The following ANO3 variants were observed in gnomAD, a reference collection of about 807,000 sequenced individuals.
ANO3 encodes the protein anoctamin-3.
Under a neutral mutation model 144.8 loss-of-function variants are expected in ANO3, and 99 were observed. The observed-to-expected ratio is 0.68, with a 90% CI of 0.58 to 0.81. The LOEUF is 0.81. Ranked by LOEUF, ANO3 falls within the 30% of genes least tolerant of loss-of-function variation. The pLI, the probability that ANO3 is intolerant of heterozygous loss-of-function variation, is 0.00. For missense variants in ANO3, 905 were observed against 1,202.2 expected (o/e 0.75, Z 3.66); for synonymous variants, 414 against 392.6 (o/e 1.05, Z -0.64).
chr11:26,389,282 A>G (rs1050803478), intron 1 of ANO3, among the ~76,000 whole-genome samples: 1 of 152,086 alleles, frequency 6.6e-6, no homozygotes, highest in African/African-American at 2.4e-5. Flanking sequence ...TGCCAGCTCC[A>G]CTACTGTCTC....
Position 26,547,464 on chromosome 11 carries a change from G to A in ANO3, c.1203G>A (p.Trp401Ter). Residue 401 changes from tryptophan to a stop codon, truncating the protein, a stop_gained, in exon 12 of 27, where the codon TGG becomes TGA. Transcript: ENST00000256737. LOFTEE classifies it high-confidence loss of function. Reference protein sequence around the residue: ...KIGLYFAWLGWYTGMLIPAAI... With the variant: ...KIGLYFAWLG ...GACTATACTTTGCTTGGCTGGGATG[G>A]TATACTGGAATGTTGATTCCTGCAG... The A allele has an allele frequency of 6.2e-7, 1 of 1,611,962 alleles. No homozygotes were observed. The highest frequency in any genetic ancestry group is 1.1e-5 in the South Asian group (1 of 91,020).
intron 9 of ANO3, among the ~76,000 whole-genome samples, chr11:26,536,657 A>T (rs1448050080): frequency 6.6e-6 from 1 of 152,108 alleles, no homozygotes; most frequent in East Asian, 1.9e-4. Flanking sequence ...CAAGCCCTTA[A>T]TTACTCTTCG....
chr11:26,542,002 A>T lies in ANO3; in HGVS notation c.1088A>T (p.His363Leu). 6.2e-7 allele frequency: 1 copy of T among 1,612,878 alleles called. No homozygotes were observed. The highest frequency in any genetic ancestry group is 1.1e-5 in the South Asian group (1 of 91,012). Residue 363 changes from histidine to leucine, a missense_variant, in exon 11 of 27, where the codon CAT becomes CTT. His to Leu is a moderately conservative substitution (Grantham distance 99). Transcript: ENST00000256737. ...IKTHGPQNNR[H>L]LLYERWARWG... Reference sequence around the variant, plus strand: ...ACCCATGGACCTCAGAATAACAGACATCTATTATATGAGCGCTGGGCACGC... The same window carrying T: ...ACCCATGGACCTCAGAATAACAGACTTCTATTATATGAGCGCTGGGCACGC...
chr11:26,397,658 C>T (rs753437372), intron 1 of ANO3, among the ~76,000 whole-genome samples: 5 of 151,932 alleles, frequency 3.3e-5, no homozygotes, highest in African/African-American at 4.8e-5. Flanking sequence ...GGGTGATTGG[C>T]GTATTCATCT....
rs201896906 is a variant in ANO3 at position 26,561,046 on chromosome 11, C to T, written c.1447+1267C>T. 193 of 1,596,392 alleles carry T rather than the reference C, an allele frequency of 1.2e-4. 1 individual carries two copies. The Middle Eastern group carries it at 6.2e-3, about 51-fold the overall frequency. On this transcript the variant is annotated intron_variant, in intron 14 of 26. Transcript: ENST00000256737. ...GATGTAGATGACACTTGCTGTTTAACGCCTTTTTGCTGTTAGTTCTATACA... is the reference window on the plus strand; with the variant it reads ...GATGTAGATGACACTTGCTGTTTAATGCCTTTTTGCTGTTAGTTCTATACA...
intron 1 of ANO3, among the ~76,000 whole-genome samples, chr11:26,398,071 T>C (rs577398231): frequency 1.1e-4 from 17 of 152,038 alleles, no homozygotes; most frequent in Non-Finnish European, 2.1e-4. Flanking sequence ...GCATATGAAA[T>C]GTATGTTTAA....
At chr11:26,260,817 C>G (rs886995885) in intron 1 of ANO3, among the ~76,000 whole-genome samples, 1 of 152,052 alleles carries the variant, frequency 6.6e-6, no homozygotes, top group South Asian at 2.1e-4. Context: ...TACAGATTTT[C>G]CTGGGTAATT....
intron 26 of ANO3, among the ~76,000 whole-genome samples, chr11:26,658,866 T>C (rs1208952640): frequency 1.5e-4 from 23 of 152,140 alleles, no homozygotes. Flanking sequence ...CCAGTTAAAG[T>C]ACCTTGAATT....
chr11:26,447,672 T>A (rs1329858728), intron 3 of ANO3, among the ~76,000 whole-genome samples: 1 of 152,218 alleles, frequency 6.6e-6, no homozygotes, highest in East Asian at 1.9e-4. Flanking sequence ...GTTTGATTTT[T>A]TTTTTGTTTT....
intron 1 of ANO3, among the ~76,000 whole-genome samples, chr11:26,401,179 C>T (rs918421235): frequency 1.4e-4 from 22 of 151,968 alleles, no homozygotes; most frequent in African/African-American, 4.6e-4. Flanking sequence ...CCCCCATGGA[C>T]AGGAATAGTT....
At chr11:26,425,845 T>G (rs1411768237) in intron 1 of ANO3, among the ~76,000 whole-genome samples, 1 of 152,160 alleles carries the variant, frequency 6.6e-6, no homozygotes, top group Non-Finnish European at 1.5e-5. Flanking sequence ...TCAGCGTCTG[T>G]GTACTTTGGA....
At chr11:26,513,074 A>T (rs1207130063) in intron 5 of ANO3, among the ~76,000 whole-genome samples, 2 of 152,150 alleles carry the variant, frequency 1.3e-5, no homozygotes, top group African/African-American at 4.8e-5. Flanking sequence ...AGAAAAAAAA[A>T]GAGAGGGTAT....
chr11:26,509,473 C>T (rs1861571374), intron 5 of ANO3, among the ~76,000 whole-genome samples: 2 of 151,966 alleles, frequency 1.3e-5, no homozygotes, highest in African/African-American at 4.8e-5. Context: ...TCACCGTGCC[C>T]ACCTAAGTTT....
intron 14 of ANO3, among the ~76,000 whole-genome samples, chr11:26,587,783 C>A (rs1259337145): frequency 6.6e-6 from 1 of 151,826 alleles, no homozygotes; most frequent in Non-Finnish European, 1.5e-5. Flanking sequence ...TTGGTGAAAC[C>A]CTGTCTCAAC....
chr11:26,294,600 G>A lies in ANO3; in HGVS notation c.155-15045G>A, dbSNP rs373960167. On this transcript the variant is annotated intron_variant, in intron 1 of 27. Transcript: ENST00000672621. The stretch of plus-strand genomic sequence containing the variant: ...GGGTCAGTAGGATTAAGCAACTTCT[G>A]CAGGGTCATGCAACAAAATTGACAG... Among the ~76,000 whole-genome samples the A allele has an allele frequency of 3.2e-4, 48 of 152,244 alleles. 1 individual carries two copies. Among genetic ancestry groups the A allele is most frequent in the African/African-American group, 1.1e-3 (46 of 41,556 alleles).
chr11:26,604,193 G>A (rs1851874807), intron 17 of ANO3, among the ~76,000 whole-genome samples: 1 of 151,976 alleles, frequency 6.6e-6, no homozygotes, highest in African/African-American at 2.4e-5. Context: ...GCTTGTTTTT[G>A]TCAGGTTTGT....
intron 26 of ANO3, among the ~76,000 whole-genome samples, chr11:26,658,568 C>T (rs1853772427): frequency 6.6e-6 from 1 of 152,072 alleles, no homozygotes; most frequent in Non-Finnish European, 1.5e-5. Flanking sequence ...TGAGATCACA[C>T]CATTGCACTG....
At chr11:26,401,764 C>T (rs1857152700) in intron 1 of ANO3, among the ~76,000 whole-genome samples, 1 of 151,980 alleles carries the variant, frequency 6.6e-6, no homozygotes, top group African/African-American at 2.4e-5. Flanking sequence ...ACAGTCCCAG[C>T]CACTTAGGTG....
chr11:26,567,258 C>CTTA (rs1590554262), intron 14 of ANO3: 9 of 534,068 alleles, frequency 1.7e-5, no homozygotes, highest in African/African-American at 1.6e-4. Flanking sequence ...CTTTTTTTTC[C>CTTA]TCAAGCAATA....
Sources: gnomAD v4.1 joint callset for allele counts (sites outside exome capture counted in the v4.1 genomes callset) on GRCh38, gnomAD v4.1.1 for gene constraint, MANE v1.5 for transcripts, NCBI Gene and HGNC (gene_info 2026-07-23, HGNC 2026-07-21) for gene names.